RYR2: variants seen among roughly 807,000 people sequenced by gnomAD.
RYR2 encodes the protein ryanodine receptor 2.
A neutral mutation model predicts 601.1 loss-of-function variants in RYR2; 227 were observed. That is an observed-to-expected ratio of 0.38 (90% CI 0.34 to 0.42). RYR2 has a LOEUF of 0.42. Ranked by LOEUF, RYR2 falls within the 10% of genes least tolerant of loss-of-function variation. The pLI is 1.00. For missense variants in RYR2, 4,646 were observed against 6,156.5 expected (o/e 0.75, Z 8.21); for synonymous variants, 2,223 against 2,175.1 (o/e 1.02, Z -0.61).
intron 1 of RYR2, among the ~76,000 whole-genome samples, chr1:237,232,490 T>C (rs1685105217): frequency 6.6e-6 from 1 of 152,208 alleles, no homozygotes; most frequent in South Asian, 2.1e-4. Flanking sequence ...CCTTACCCTA[T>C]GCATCTCTTT....
chr1:237,440,910 C>G (rs768816519), intron 12 of RYR2, among the ~76,000 whole-genome samples: 1 of 151,582 alleles, frequency 6.6e-6, no homozygotes, highest in Non-Finnish European at 1.5e-5. Context: ...AATTAACTTG[C>G]TAACATCTTA....
intron 68 of RYR2, 112 bp from the exon 69 acceptor site, chr1:237,708,746 A>C (rs1200340648): frequency 4.4e-6 from 4 of 916,306 alleles, no homozygotes; most frequent in Non-Finnish European, 6.6e-6. Context: ...CCCTTAAGGA[A>C]GTCATGTGCT....
At position 237,639,063 on chromosome 1, in the gene RYR2, G is replaced by A. The variant is rs773565555; in HGVS notation, c.6977G>A (p.Arg2326Gln). The A allele has an allele frequency of 6.2e-7, 1 of 1,613,818 alleles. No individual in the cohort carries two copies. Among genetic ancestry groups the A allele is most frequent in the Non-Finnish European group, 8.5e-7 (1 of 1,179,842 alleles). Residue 2326 changes from arginine (R) to glutamine (Q), a missense_variant, in exon 46 of 105, where the codon CGG becomes CAG. This residue lies in a region of RYR2 where 137 missense variants were observed against 273.6 expected (regional missense o/e 0.50). Transcript: ENST00000366574. ...AATGTCGTGGTGAGATTGCTCATTC[G>A]GAGGCCTGAGTGTTTTGGTCCTGCT... The part of the protein sequence containing the change: ...NANVVVRLLI[R>Q]RPECFGPALR...
intron 2 of RYR2, among the ~76,000 whole-genome samples, chr1:237,318,686 A>T (rs563291847): frequency 1.1e-4 from 17 of 152,214 alleles, no homozygotes; most frequent in African/African-American, 3.6e-4. Context: ...TCATATATCC[A>T]TTTGATGGGA....
intron 1 of RYR2, among the ~76,000 whole-genome samples, chr1:237,213,223 G>A (rs1682787625): frequency 6.6e-6 from 1 of 151,974 alleles, no homozygotes; most frequent in Non-Finnish European, 1.5e-5. Flanking sequence ...TGTCATCCAG[G>A]CTGGAGTGCA....
chr1:237,403,340 A>G (rs1338032330), intron 10 of RYR2, among the ~76,000 whole-genome samples: 1 of 152,236 alleles, frequency 6.6e-6, no homozygotes, highest in East Asian at 1.9e-4. Context: ...CAACTCAGAA[A>G]CAATGGGAGA....
chr1:237,569,788 G>T (rs1572912574), intron 29 of RYR2, among the ~76,000 whole-genome samples: 1 of 152,172 alleles, frequency 6.6e-6, no homozygotes, highest in East Asian at 1.9e-4. Flanking sequence ...GCCAGGGGAG[G>T]TTGACACTTG....
intron 80 of RYR2, among the ~76,000 whole-genome samples, chr1:237,746,354 T>C (rs1573779552): frequency 6.6e-6 from 1 of 152,306 alleles, no homozygotes; most frequent in East Asian, 1.9e-4. Context: ...ATATTTGCTA[T>C]AGTTTCTATT....
At chr1:237,472,559 A>G (rs1660851413) in intron 17 of RYR2, among the ~76,000 whole-genome samples, 1 of 152,198 alleles carries the variant, frequency 6.6e-6, no homozygotes. Flanking sequence ...TTATATTACA[A>G]CAACATTTTC....
At chr1:237,628,135 T>C in intron 41 of RYR2, 55 bp downstream of exon 41, 1 of 1,579,728 alleles carries the variant, frequency 6.3e-7, no homozygotes. Context: ...CTAATTGTTA[T>C]ACCTATAGAG....
intron 4 of RYR2, among the ~76,000 whole-genome samples, chr1:237,361,719 C>T (rs1447604593): frequency 6.6e-6 from 1 of 151,936 alleles, no homozygotes; most frequent in Non-Finnish European, 1.5e-5. Flanking sequence ...ACTGAAATAC[C>T]AGTTTTAAAA....
intron 1 of RYR2, among the ~76,000 whole-genome samples, chr1:237,198,015 C>A (rs1181496360): frequency 6.6e-6 from 1 of 152,148 alleles, no homozygotes; most frequent in African/African-American, 2.4e-5. Context: ...GTCTGATACA[C>A]ATGGACATAT....
chr1:237,807,700 T>G (rs1660798067), intron 99 of RYR2, among the ~76,000 whole-genome samples: 1 of 152,122 alleles, frequency 6.6e-6, no homozygotes, highest in Non-Finnish European at 1.5e-5. Flanking sequence ...TCCTAACAGG[T>G]GAAACATGCA....
intron 1 of RYR2, among the ~76,000 whole-genome samples, chr1:237,073,866 T>TAAAAA (rs71178385): frequency 1.6e-5 from 2 of 123,278 alleles, no homozygotes; most frequent in South Asian, 2.9e-4. Context: ...GACTCCATCT[T>TAAAAA]AAAAAAAAAA....
chr1:237,407,698 G>A (rs1350676682), intron 10 of RYR2, among the ~76,000 whole-genome samples: 1 of 149,158 alleles, frequency 6.7e-6, no homozygotes, highest in Non-Finnish European at 1.5e-5. Flanking sequence ...CTTACTGGAA[G>A]CTCAATCTCC....
intron 80 of RYR2, among the ~76,000 whole-genome samples, chr1:237,752,330 T>C (rs905481758): frequency 2.6e-5 from 4 of 152,142 alleles, no homozygotes; most frequent in Admixed American, 2.6e-4. Flanking sequence ...TTTTAGTTTT[T>C]TGTAGAGACA....
intron 2 of RYR2, among the ~76,000 whole-genome samples, chr1:237,321,065 A>G (rs1695585465): frequency 6.6e-6 from 1 of 152,044 alleles, no homozygotes; most frequent in Non-Finnish European, 1.5e-5. Flanking sequence ...TGTGGAAGGC[A>G]GTCTGGTATG....
chr1:237,042,372 C>T lies in RYR2; in HGVS notation c.-150C>T, dbSNP rs1660009477. On this transcript the variant is annotated 5_prime_UTR_variant, in exon 1 of 105. Coordinates refer to ENST00000366574, the MANE Select transcript of RYR2 (RefSeq NM_001035.3). ...CGCGCCTCCTCCTCCGCTCTGCAGG[C>T]GGGGACCGCCCGGCGCTCGGCACCC... 1.4e-6 allele frequency: 1 copy of T among 700,132 alleles called. No homozygotes were observed. The highest frequency in any genetic ancestry group is 4.8e-5 in the East Asian group (1 of 20,824). The allele number at this position is 700,132 out of a possible 1,614,324, so 43.4% of individuals were successfully genotyped here.
rs1351753314 is a variant in RYR2, at chr1:237,614,330, G to A, written c.5202G>A (p.Lys1734=). ...EYIVPMTEET[K]SITLFPDENK... ...TTGTCCCCATGACGGAGGAGACGAA[G>A]AGCATCACCCTGTTCCCTGATGAGA... The change falls in exon 37 of 105, where the codon AAG becomes AAA. Residue 1734 remains lysine (K), a synonymous_variant. Coordinates refer to ENST00000366574, the MANE Select transcript of RYR2 (RefSeq NM_001035.3). The surrounding 1 kb of genome is among the most constrained non-coding windows in gnomAD (Gnocchi z 4.3). 6.2e-6 allele frequency: 10 copies of A among 1,613,922 alleles called. No individual in the cohort carries two copies. Among genetic ancestry groups the A allele is most frequent in the South Asian group, 1.1e-5 (1 of 91,090 alleles).
Sources: allele counts gnomAD v4.1 joint callset (sites outside exome capture counted in the v4.1 genomes callset), GRCh38; gene constraint gnomAD v4.1.1; regional missense constraint gnomAD v4.1.1; non-coding constraint Gnocchi (gnomAD v3.1); transcripts MANE v1.5; gene names NCBI Gene and HGNC (gene_info 2026-07-23, HGNC 2026-07-21).